Variants in LY86 observed in about 807,000 individuals in gnomAD.
LY86 encodes the protein lymphocyte antigen 86.
A neutral mutation model predicts 17.3 loss-of-function variants in LY86; 20 were observed. The observed-to-expected ratio is 1.15, with a 90% confidence interval of 0.81 to 1.68. The LOEUF (loss-of-function observed/expected upper bound fraction) is 1.68, where lower values mean the gene tolerates loss of function less well. Among genes scored for constraint, LY86 ranks in the 40% most tolerant of loss-of-function variants. The pLI, the probability that LY86 is intolerant of heterozygous loss-of-function variation, is 0.00. For missense variants in LY86, 200 were observed against 191.9 expected (o/e 1.04, Z -0.25); for synonymous variants, 74 against 70.6 (o/e 1.05, Z -0.24).
intron 1 of LY86, among the ~76,000 whole-genome samples, chr6:6,603,572 ACAAAGC>A (rs1376900183): frequency 6.7e-6 from 1 of 148,956 alleles, no homozygotes; most frequent in African/African-American, 2.5e-5. Context: ...AGAAGCCAAA[ACAAAGC>A]CAAAGCCAAA....
chr6:6,606,004 C>T (rs898609684), intron 1 of LY86, among the ~76,000 whole-genome samples: 11 of 152,136 alleles, frequency 7.2e-5, no homozygotes, highest in African/African-American at 2.4e-4. Context: ...CTGCGAAAAG[C>T]AAAAGAACAA....
At chr6:6,619,980 T>C (rs1482203278) in intron 1 of LY86, among the ~76,000 whole-genome samples, 1 of 151,740 alleles carries the variant, frequency 6.6e-6, no homozygotes, top group Non-Finnish European at 1.5e-5. Flanking sequence ...TGGCCATGAG[T>C]ATGTGGAAGG....
chr6:6,630,193 A>C (rs971186979), intron 3 of LY86, among the ~76,000 whole-genome samples: 3 of 152,270 alleles, frequency 2.0e-5, no homozygotes. Flanking sequence ...AATAGAGAGA[A>C]TAAATTCTCT....
chr6:6,604,343 TAAA>T (rs912766555), intron 1 of LY86, among the ~76,000 whole-genome samples: 1 of 151,690 alleles, frequency 6.6e-6, no homozygotes, highest in South Asian at 2.1e-4. Flanking sequence ...CTTCTTTAAT[TAAA>T]AAAACTCAAA....
chr6:6,598,665 T>A (rs527512053), intron 1 of LY86, among the ~76,000 whole-genome samples: 6 of 152,344 alleles, frequency 3.9e-5, no homozygotes, highest in African/African-American at 1.4e-4. Flanking sequence ...CTCTTTAAGT[T>A]GTGCTAAGTC....
Position 6,588,758 on chromosome 6 carries a change from C to T in LY86, c.24C>T (p.Leu8=). Residue 8 remains leucine (L), a synonymous_variant, in exon 1 of 5, where the codon CTC becomes CTT. Coordinates refer to ENST00000230568, the MANE Select transcript of LY86 (RefSeq NM_004271.4). MKGFTAT[L]FLWTLIFPSC... ...CCATGAAGGGTTTCACAGCCACTCTCTTCCTCTGGACTCTGATTTTTCCCA... is the reference window on the plus strand; with the variant it reads ...CCATGAAGGGTTTCACAGCCACTCTTTTCCTCTGGACTCTGATTTTTCCCA... The T allele has an allele frequency of 6.2e-7, 1 of 1,614,220 alleles. No individual in the cohort carries two copies. Among genetic ancestry groups the T allele is most frequent in the Non-Finnish European group, 8.5e-7 (1 of 1,180,022 alleles).
intron 4 of LY86, among the ~76,000 whole-genome samples, chr6:6,653,787 C>T (rs1488297428): frequency 6.6e-6 from 1 of 152,188 alleles, no homozygotes; most frequent in Non-Finnish European, 1.5e-5. Context: ...TCTTTCTCTC[C>T]CACCCACTTG....
In LY86 at chr6:6,624,241, GCATAGATAAGC is replaced by G. The variant is rs1761738321; in HGVS notation, c.137-681_137-671del. 2.0e-5 allele frequency among the ~76,000 whole-genome samples: 3 copies of G among 152,204 alleles called. No homozygotes were observed. The South Asian group carries it at 6.2e-4, about 32-fold the overall frequency. ...GCTCATTTCTGGACTGTATTCTGAGGCATAGATAAGCCATTGGAGCTTTGTGAATGAGCAGA... is the reference window on the plus strand; with the variant it reads ...GCTCATTTCTGGACTGTATTCTGAGGCATTGGAGCTTTGTGAATGAGCAGA... On this transcript the variant is annotated intron_variant, in intron 1 of 4. Coordinates refer to ENST00000230568, the MANE Select transcript of LY86 (RefSeq NM_004271.4).
intron 1 of LY86, among the ~76,000 whole-genome samples, chr6:6,591,952 G>C (rs115987961): frequency 1.3e-3 from 196 of 152,286 alleles, no homozygotes; most frequent in African/African-American, 4.5e-3. Flanking sequence ...AAGAGGAAGT[G>C]GAAGACATGA....
At chr6:6,649,741 A>ATGG in intron 4 of LY86, 64 bp downstream of exon 4, 1 of 932,098 alleles carries the variant, frequency 1.1e-6, no homozygotes, top group Non-Finnish European at 1.7e-6. Context: ...AGAAGGCTAG[A>ATGG]AGGAGGGAAA....
At chr6:6,589,146 C>A (rs1371316326) in intron 1 of LY86, among the ~76,000 whole-genome samples, 1 of 151,986 alleles carries the variant, frequency 6.6e-6, no homozygotes, top group Non-Finnish European at 1.5e-5. Flanking sequence ...ACCACAGAAC[C>A]CAAAAAAGAA....
chr6:6,594,598 G>A (rs1000403037), intron 1 of LY86, among the ~76,000 whole-genome samples: 2 of 152,200 alleles, frequency 1.3e-5, no homozygotes, highest in Admixed American at 6.5e-5. Context: ...CGCCAGATCA[G>A]AGTCTCAAGT....
At chr6:6,604,460 T>C (rs1334678064) in intron 1 of LY86, among the ~76,000 whole-genome samples, 1 of 152,194 alleles carries the variant, frequency 6.6e-6, no homozygotes, top group East Asian at 1.9e-4. Context: ...ATAATGGTTA[T>C]GTTAAAACAT....
At chr6:6,619,262 G>C (rs75630133) in intron 1 of LY86, among the ~76,000 whole-genome samples, 2,986 of 152,308 alleles carry the variant, frequency 0.02, 90 homozygotes, top group South Asian at 0.11. Flanking sequence ...AGCAAGGTCT[G>C]TTTGTTATTT....
At chr6:6,605,850 T>TA (rs763727553) in intron 1 of LY86, among the ~76,000 whole-genome samples, 7 of 151,958 alleles carry the variant, frequency 4.6e-5, no homozygotes, top group Non-Finnish European at 7.4e-5. Context: ...GTTACAGCTC[T>TA]TAAGGGGGCA....
intron 1 of LY86, among the ~76,000 whole-genome samples, chr6:6,605,960 C>T (rs771758794): frequency 1.2e-4 from 18 of 151,976 alleles, no homozygotes; most frequent in Admixed American, 3.3e-4. Context: ...ATAAAAGAAG[C>T]GTGGACCCAA....
intron 1 of LY86, among the ~76,000 whole-genome samples, chr6:6,595,318 AAG>A (rs1760667609): frequency 6.8e-6 from 1 of 146,622 alleles, no homozygotes; most frequent in Admixed American, 6.8e-5. Flanking sequence ...GAGGAGGTGG[AAG>A]AGGAGGAAGA....
chr6:6,613,329 G>A (rs1315408100), intron 1 of LY86, among the ~76,000 whole-genome samples: 1 of 152,228 alleles, frequency 6.6e-6, no homozygotes, highest in Non-Finnish European at 1.5e-5. Context: ...GAGCAGGGTG[G>A]CGCTGCTCGT....
chr6:6,605,840 G>A (rs1012367010), intron 1 of LY86, among the ~76,000 whole-genome samples: 5 of 152,156 alleles, frequency 3.3e-5, no homozygotes, highest in South Asian at 2.1e-4. Flanking sequence ...CCCGGTGAAT[G>A]TTACAGCTCT....
Sources: gnomAD v4.1 joint callset for allele counts (sites outside exome capture counted in the v4.1 genomes callset) on GRCh38, gnomAD v4.1.1 for gene constraint, MANE v1.5 for transcripts, NCBI Gene and HGNC (gene_info 2026-07-23, HGNC 2026-07-21) for gene names.